The following GDAP1 variants were observed in gnomAD, a reference collection of about 807,000 sequenced individuals.
The protein encoded by GDAP1 is ganglioside-induced differentiation-associated protein 1.
Under a neutral mutation model 40.1 loss-of-function variants are expected in GDAP1, and 34 were observed. The observed-to-expected ratio is 0.85, with a 90% CI of 0.64 to 1.13. GDAP1 has a LOEUF of 1.13. Ranked by LOEUF, GDAP1 falls within the 50% of genes most tolerant of loss-of-function variation. The pLI, the probability that GDAP1 is intolerant of heterozygous loss-of-function variation, is 0.00. For synonymous variants in GDAP1, 170 were observed against 157.4 expected (o/e 1.08, Z -0.60); for missense variants, 374 against 433.7 (o/e 0.86, Z 1.22).
At chr8:74,386,509 A>T (rs919690371) in intron 2 of GDAP1, among the ~76,000 whole-genome samples, 1 of 152,158 alleles carries the variant, frequency 6.6e-6, no homozygotes, top group African/African-American at 2.4e-5. Flanking sequence ...GTGTGGCGTT[A>T]TTCCTGAGGC....
chr8:74,371,314 G>A (rs998640133), downstream of GDAP1, among the ~76,000 whole-genome samples: 41 of 152,258 alleles, frequency 2.7e-4, no homozygotes, highest in Non-Finnish European at 5.6e-4. Flanking sequence ...CAAATATTTG[G>A]AAATTAAATA....
At chr8:74,392,653 T>TG (rs2131543832) in intron 2 of GDAP1, among the ~76,000 whole-genome samples, 1 of 152,360 alleles carries the variant, frequency 6.6e-6, no homozygotes, top group East Asian at 1.9e-4. Flanking sequence ...TGTGGAGCCA[T>TG]GAACTACATT....
chr8:74,479,900 T>G (rs1487338195), intron 2 of GDAP1, among the ~76,000 whole-genome samples: 1 of 152,138 alleles, frequency 6.6e-6, no homozygotes, highest in Admixed American at 6.5e-5. Context: ...CAATGTCACT[T>G]CTATTGCTCT....
At chr8:74,392,134 A>G (rs1469464942) in intron 2 of GDAP1, among the ~76,000 whole-genome samples, 1 of 152,146 alleles carries the variant, frequency 6.6e-6, no homozygotes, top group Non-Finnish European at 1.5e-5. Context: ...TTTTTATTTA[A>G]TAATACATAT....
At chr8:74,423,478 G>A (rs995250220) in intron 2 of GDAP1, among the ~76,000 whole-genome samples, 6 of 149,484 alleles carry the variant, frequency 4.0e-5, no homozygotes, top group African/African-American at 1.2e-4. Flanking sequence ...CACAGATTGG[G>A]TGTTCAAAAA....
chr8:74,408,364 A>G (rs999647685), intron 2 of GDAP1, among the ~76,000 whole-genome samples: 2 of 150,214 alleles, frequency 1.3e-5, no homozygotes, highest in Admixed American at 1.3e-4. Flanking sequence ...GTGTTGCTCT[A>G]AAATTCATCT....
At chr8:74,398,886 G>C (rs575326973) in intron 2 of GDAP1, among the ~76,000 whole-genome samples, 23 of 152,090 alleles carry the variant, frequency 1.5e-4, no homozygotes, top group African/African-American at 2.7e-4. Flanking sequence ...GCCTTGCATC[G>C]CAGGGATGAA....
chr8:74,360,032 T>TA (rs1809279596), intron 2 of GDAP1, 105 bp from the exon 3 acceptor site: 5 of 803,334 alleles, frequency 6.2e-6, no homozygotes, highest in Non-Finnish European at 1.1e-5. Flanking sequence ...AATATACAGA[T>TA]ATGTTGAAAA....
At chr8:74,457,634 G>T (rs1044952241) in intron 2 of GDAP1, among the ~76,000 whole-genome samples, 4 of 152,058 alleles carry the variant, frequency 2.6e-5, no homozygotes, top group Admixed American at 2.0e-4. Flanking sequence ...ATAATATTCT[G>T]CTTGTTCAAC....
chr8:74,351,414 A>G lies in GDAP1; in HGVS notation c.258A>G (p.Ile86Met), dbSNP rs1808869050. The G allele has an allele frequency of 6.2e-7, 1 of 1,613,926 alleles. No homozygotes were observed. The highest frequency in any genetic ancestry group is 8.5e-7 in the Non-Finnish European group (1 of 1,179,906). ...EVPVLIHGENIICEATQIIDY... is the reference protein window; with the variant it reads ...EVPVLIHGENMICEATQIIDY... The stretch of plus-strand genomic sequence containing the variant: ...CTGTCCTTATCCACGGGGAAAACAT[A>G]ATTTGTGAGGCCACTCAGATCATTG... Residue 86 changes from isoleucine to methionine, a missense_variant, in exon 2 of 6, where the codon ATA (isoleucine) becomes ATG (methionine). By Grantham distance (10) the Ile-to-Met change is conservative. Transcript: ENST00000220822.
Position 74,479,830 on chromosome 8 carries a change from G to C in GDAP1, c.166-8848G>C, listed in dbSNP as rs563101851. Among the ~76,000 whole-genome samples the C allele has an allele frequency of 7.2e-4, 110 of 152,252 alleles. 1 individual carries two copies. The highest frequency in any genetic ancestry group is 1.4e-3 in the Non-Finnish European group (93 of 68,010). ...GGGGTTTTTATATGGCAGGCACTAG[G>C]TTCTAAGAACAGCAAGAGCAGAGGC... On this transcript the variant is annotated intron_variant, in intron 2 of 2. Coordinates refer to the GDAP1 transcript ENST00000523640.
rs1300307790 is a variant in GDAP1, at chr8:74,469,989, A to G, written c.166-18689A>G. Among the ~76,000 whole-genome samples the G allele has an allele frequency of 2.0e-5, 3 of 152,166 alleles. No homozygotes were observed. The East Asian group carries it at 5.8e-4, about 29-fold the overall frequency. ...AACTCCATCTCAAAAAAATAAAAAT[A>G]AAAATAAAAATAGAAAAATAGTATT... On this transcript the variant is annotated intron_variant, in intron 2 of 2. Coordinates refer to the GDAP1 transcript ENST00000523640.
At chr8:74,361,031 T>G (rs1809336440) in intron 3 of GDAP1, among the ~76,000 whole-genome samples, 3 of 152,186 alleles carry the variant, frequency 2.0e-5, no homozygotes, top group East Asian at 1.9e-4. Context: ...TTTTCCTTTT[T>G]GATACCCCTC....
intron 2 of GDAP1, among the ~76,000 whole-genome samples, chr8:74,394,050 T>G (rs1229817857): frequency 6.6e-6 from 1 of 152,104 alleles, no homozygotes; most frequent in Non-Finnish European, 1.5e-5. Flanking sequence ...TACCCGAGAC[T>G]GGACAATTTA....
At chr8:74,409,419 T>C (rs1185278170) in intron 2 of GDAP1, among the ~76,000 whole-genome samples, 1 of 149,888 alleles carries the variant, frequency 6.7e-6, no homozygotes, top group East Asian at 1.9e-4. Context: ...TGGTGCGATC[T>C]TGGCTCACTG....
intron 2 of GDAP1, among the ~76,000 whole-genome samples, chr8:74,399,515 A>G (rs1389970265): frequency 1.4e-5 from 2 of 146,826 alleles, no homozygotes; most frequent in Non-Finnish European, 3.0e-5. Flanking sequence ...TGGATTCATT[A>G]ATTTTTTGAA....
intron 2 of GDAP1, among the ~76,000 whole-genome samples, chr8:74,449,042 C>A (rs368424942): frequency 1.3e-5 from 2 of 151,878 alleles, no homozygotes; most frequent in African/African-American, 4.8e-5. Flanking sequence ...GTGAAGGAGG[C>A]TCCAAGGTTT....
chr8:74,468,261 A>C lies in GDAP1; in HGVS notation c.166-20417A>C, dbSNP rs111560396. Among the ~76,000 whole-genome samples the C allele has an allele frequency of 9.8e-3, 1,493 of 151,806 alleles. 14 individuals carry two copies. The highest frequency in any genetic ancestry group is 0.035 in the African/African-American group (1,438 of 41,388). ...TTCTCACCTATATGTATATTTTTCC[A>C]TATACTTTGGAATCTGCTTATCTAT... On this transcript the variant is annotated intron_variant, in intron 2 of 2. Transcript: ENST00000523640.
At chr8:74,371,046 G>C (rs1388869175), downstream of GDAP1, among the ~76,000 whole-genome samples, 2 of 152,304 alleles carry the variant, frequency 1.3e-5, no homozygotes, top group African/African-American at 2.4e-5. Flanking sequence ...AGATAAAATA[G>C]ACAGAAATTC....
Sources: gnomAD v4.1 joint callset for allele counts (sites outside exome capture counted in the v4.1 genomes callset) on GRCh38, gnomAD v4.1.1 for gene constraint, MANE v1.5 for transcripts, NCBI Gene and HGNC (gene_info 2026-07-23, HGNC 2026-07-21) for gene names.